MYRIP: variants seen among roughly 807,000 people sequenced by gnomAD.
The protein encoded by MYRIP is myosin VIIA and Rab interacting protein, also known as rab effector MyRIP.
In MYRIP, 49 loss-of-function variants were observed where a neutral mutation model predicts 98.0. The observed-to-expected ratio is 0.50, with a 90% CI of 0.40 to 0.63. MYRIP has a LOEUF of 0.63. MYRIP is among the 30% of genes least tolerant of loss of function. MYRIP has a pLI of 0.00. For missense variants in MYRIP, 1,004 were observed against 1,058.2 expected (o/e 0.95, Z 0.71); for synonymous variants, 404 against 409.5 (o/e 0.99, Z 0.16).
intron 11 of MYRIP, among the ~76,000 whole-genome samples, chr3:40,214,727 T>C (rs1952065192): frequency 6.6e-6 from 1 of 152,154 alleles, no homozygotes; most frequent in South Asian, 2.1e-4. Context: ...CTTCAAAGCC[T>C]GGGAATGAGC....
intron 2 of MYRIP, among the ~76,000 whole-genome samples, chr3:39,996,618 G>A (rs1946365080): frequency 6.6e-6 from 1 of 152,176 alleles, no homozygotes; most frequent in African/African-American, 2.4e-5. Flanking sequence ...ACATTAGACA[G>A]ATCAACGAGA....
At chr3:39,961,335 A>T (rs1167673387) in intron 2 of MYRIP, among the ~76,000 whole-genome samples, 1 of 152,144 alleles carries the variant, frequency 6.6e-6, no homozygotes, top group Non-Finnish European at 1.5e-5. Context: ...TTATTCATTT[A>T]TACTTCTGTC....
At chr3:40,084,317 A>G (rs1314352017) in intron 3 of MYRIP, among the ~76,000 whole-genome samples, 1 of 146,626 alleles carries the variant, frequency 6.8e-6, no homozygotes, top group Non-Finnish European at 1.5e-5. Context: ...TCTATGTATT[A>G]TATATCGATA....
intron 3 of MYRIP, among the ~76,000 whole-genome samples, chr3:40,074,340 C>A (rs900844014): frequency 6.6e-6 from 1 of 152,014 alleles, no homozygotes; most frequent in African/African-American, 2.4e-5. Flanking sequence ...TCCCAAAGTG[C>A]TGGGATTACA....
intron 1 of MYRIP, among the ~76,000 whole-genome samples, chr3:39,870,276 C>G (rs1942746646): frequency 6.6e-6 from 1 of 152,192 alleles, no homozygotes; most frequent in Non-Finnish European, 1.5e-5. Context: ...AGACCTGACA[C>G]AGACTGAATA....
intron 2 of MYRIP, among the ~76,000 whole-genome samples, chr3:39,991,677 T>C (rs1255142541): frequency 6.6e-6 from 1 of 152,194 alleles, no homozygotes; most frequent in African/African-American, 2.4e-5. Context: ...CACCTTCAAG[T>C]ATTTGCTCAA....
chr3:40,051,576 G>A (rs1192251467), intron 3 of MYRIP, among the ~76,000 whole-genome samples: 1 of 152,050 alleles, frequency 6.6e-6, no homozygotes, highest in South Asian at 2.1e-4. Context: ...CTTTATTGTG[G>A]TGGTCTGGAA....
At chr3:40,035,382 A>C (rs2125823351) in intron 2 of MYRIP, among the ~76,000 whole-genome samples, 1 of 152,172 alleles carries the variant, frequency 6.6e-6, no homozygotes, top group South Asian at 2.1e-4. Flanking sequence ...AGAATTGAGG[A>C]CTTCTTGGTG....
chr3:40,191,272 T>C (rs148876241), intron 10 of MYRIP, among the ~76,000 whole-genome samples: 236 of 152,292 alleles, frequency 1.5e-3, no homozygotes, highest in Middle Eastern at 6.8e-3. Context: ...TTTCAGATAA[T>C]TCATGGGCTC....
intron 3 of MYRIP, among the ~76,000 whole-genome samples, chr3:40,082,141 T>C (rs1016555048): frequency 3.9e-5 from 6 of 152,214 alleles, no homozygotes; most frequent in African/African-American, 1.4e-4. Flanking sequence ...TTGTACACTG[T>C]TGTTGAGAAT....
chr3:40,161,243 A>G (rs935420521), intron 4 of MYRIP, among the ~76,000 whole-genome samples: 2 of 152,204 alleles, frequency 1.3e-5, no homozygotes, highest in Non-Finnish European at 2.9e-5. Flanking sequence ...ACATCACATC[A>G]TACTAAATGA....
At chr3:40,147,025 C>T (rs867435384) in intron 3 of MYRIP, among the ~76,000 whole-genome samples, 3 of 152,166 alleles carry the variant, frequency 2.0e-5, no homozygotes, top group African/African-American at 7.2e-5. Flanking sequence ...TCCCCAACTC[C>T]TTGCCAAGTC....
At chr3:39,989,938 G>A (rs1036316069) in intron 2 of MYRIP, among the ~76,000 whole-genome samples, 1 of 152,212 alleles carries the variant, frequency 6.6e-6, no homozygotes, top group Non-Finnish European at 1.5e-5. Context: ...TAGTTTGTTA[G>A]GCAGCTATCA....
At chr3:40,133,255 G>C (rs900975466) in intron 3 of MYRIP, among the ~76,000 whole-genome samples, 1 of 152,226 alleles carries the variant, frequency 6.6e-6, no homozygotes, top group Non-Finnish European at 1.5e-5. Context: ...CTCCTGTGAA[G>C]CCAAGAAAGA....
At chr3:40,253,260 T>A (rs1953439887) in intron 16 of MYRIP, among the ~76,000 whole-genome samples, 1 of 152,176 alleles carries the variant, frequency 6.6e-6, no homozygotes, top group South Asian at 2.1e-4. Flanking sequence ...ATTACCAGTA[T>A]TAGAGTCACT....
At chr3:40,226,699 A>C (rs1260571338) in intron 11 of MYRIP, among the ~76,000 whole-genome samples, 1 of 152,214 alleles carries the variant, frequency 6.6e-6, no homozygotes, top group African/African-American at 2.4e-5. Context: ...GAGTGATCAC[A>C]GTATCTGCGT....
intron 1 of MYRIP, among the ~76,000 whole-genome samples, chr3:39,889,617 C>T (rs1487130547): frequency 6.6e-6 from 1 of 152,128 alleles, no homozygotes; most frequent in African/African-American, 2.4e-5. Context: ...CAGCATGGCA[C>T]ATGTATACAT....
chr3:39,963,739 CTAA>C (rs768773981), intron 2 of MYRIP, among the ~76,000 whole-genome samples: 9 of 152,164 alleles, frequency 5.9e-5, no homozygotes, highest in African/African-American at 1.9e-4. Flanking sequence ...ATTTATATTT[CTAA>C]TAATCATATA....
intron 13 of MYRIP, among the ~76,000 whole-genome samples, chr3:40,249,726 AG>A (rs1173252296): frequency 1.3e-5 from 2 of 152,186 alleles, no homozygotes; most frequent in Non-Finnish European, 2.9e-5. Flanking sequence ...GAGTTTCTCA[AG>A]GCTGGTTGGC....
Sources: gnomAD v4.1 joint callset for allele counts (sites outside exome capture counted in the v4.1 genomes callset) on GRCh38, gnomAD v4.1.1 for gene constraint, MANE v1.5 for transcripts, NCBI Gene and HGNC (gene_info 2026-07-23, HGNC 2026-07-21) for gene names.